Variants in ZSWIM6 observed in about 807,000 individuals in gnomAD.
ZSWIM6 encodes zinc finger SWIM-type containing 6.
ZSWIM6 carries 9 observed loss-of-function variants against 113.2 expected under a neutral mutation model. The observed-to-expected ratio is 0.08, with a 90% CI of 0.05 to 0.14. The LOEUF (loss-of-function observed/expected upper bound fraction) is 0.14, where lower values mean the gene tolerates loss of function less well. Ranked by LOEUF, ZSWIM6 falls within the 10% of genes least tolerant of loss-of-function variation. The probability of loss-of-function intolerance (pLI) is 1.00; values close to 1 mark genes in which losing one functional copy is unlikely to be tolerated. For missense variants in ZSWIM6, 1,162 were observed against 1,552.2 expected (o/e 0.75, Z 4.22); for synonymous variants, 611 against 606.5 (o/e 1.01, Z -0.11).
chr5:61,395,218 G>A (rs768299638), intron 1 of ZSWIM6, among the ~76,000 whole-genome samples: 4 of 152,086 alleles, frequency 2.6e-5, no homozygotes, highest in Non-Finnish European at 5.9e-5. Context: ...CAGTCAGATT[G>A]TGTAACTTCT....
intron 1 of ZSWIM6, among the ~76,000 whole-genome samples, chr5:61,357,185 G>C (rs1744933299): frequency 6.6e-6 from 1 of 152,120 alleles, no homozygotes. Context: ...GTAGTGGTCA[G>C]GGTCCACCCA....
At chr5:61,341,349 G>A (rs980101197) in intron 1 of ZSWIM6, among the ~76,000 whole-genome samples, 2 of 152,134 alleles carry the variant, frequency 1.3e-5, no homozygotes, top group Non-Finnish European at 2.9e-5. Context: ...GAATTACCTT[G>A]TTTTTATTAA....
Position 61,539,656 on chromosome 5 carries a change from C to T in ZSWIM6, c.2600C>T (p.Ser867Leu), listed in dbSNP as rs1749678210. 1 of 1,552,014 alleles carries T rather than the reference C, an allele frequency of 6.4e-7. No individual in the cohort carries two copies. Among genetic ancestry groups the T allele is most frequent in the Non-Finnish European group, 8.7e-7 (1 of 1,147,036 alleles). ...ESIQKNIHSSSHIFKLAQDAF... is the reference protein window; with the variant it reads ...ESIQKNIHSSLHIFKLAQDAF... The stretch of plus-strand genomic sequence containing the variant: ...ATCCAGAAAAACATTCACTCCTCAT[C>T]ACACATCTTCAAGCTTGCCCAAGAT... The change falls in exon 12 of 14, where the codon TCA becomes TTA. Residue 867 changes from serine (S) to leucine (L), a missense_variant. Physicochemically the swap from Ser to Leu is moderately radical, Grantham distance 145. This residue lies in a region of ZSWIM6 where 620 missense variants were observed against 804.6 expected (regional missense o/e 0.77). Transcript: ENST00000252744.
In ZSWIM6 at chr5:61,332,789, GCTGCC is replaced by G; in HGVS notation, c.518_522del (p.Ala173GlyfsTer79). On this transcript the variant is annotated frameshift_variant, in exon 1 of 14. Transcript: ENST00000252744. LOFTEE classifies it high-confidence loss of function. ...GGCCGCAACCTCGGCCGCCGCCGCCGCTGCCGCCGCCGCCGCCGCCGCCGCCGCCG... is the reference window on the plus strand; with the variant it reads ...GGCCGCAACCTCGGCCGCCGCCGCCGGCCGCCGCCGCCGCCGCCGCCGCCG... The G allele has an allele frequency of 1.2e-6, 1 of 831,892 alleles. No individual in the cohort carries two copies. Among genetic ancestry groups the G allele is most frequent in the African/African-American group, 1.9e-5 (1 of 51,370 alleles). 51.5% of individuals were successfully genotyped at this position (831,892 alleles called of 1,614,324 possible).
chr5:61,449,995 C>A (rs896579880), intron 1 of ZSWIM6, among the ~76,000 whole-genome samples: 5 of 152,156 alleles, frequency 3.3e-5, no homozygotes, highest in African/African-American at 1.2e-4. Flanking sequence ...TTTGGACTGA[C>A]CCTGCTGAAT....
At chr5:61,393,005 T>C (rs894604738) in intron 1 of ZSWIM6, among the ~76,000 whole-genome samples, 3 of 152,078 alleles carry the variant, frequency 2.0e-5, no homozygotes, top group Non-Finnish European at 4.4e-5. Context: ...CATATATATA[T>C]ATAAAATCTG....
intron 4 of ZSWIM6, among the ~76,000 whole-genome samples, chr5:61,503,390 G>GCTATGACTA (rs1748525503): frequency 6.6e-6 from 1 of 152,156 alleles, no homozygotes; most frequent in Admixed American, 6.5e-5. Context: ...GTGATTTTAA[G>GCTATGACTA]CTATGACTAG....
chr5:61,496,797 C>T (rs528192602), intron 4 of ZSWIM6, among the ~76,000 whole-genome samples: 2 of 152,234 alleles, frequency 1.3e-5, no homozygotes, highest in African/African-American at 4.8e-5. Context: ...CTAAAAGCCC[C>T]ATTTGCCTTT....
intron 4 of ZSWIM6, among the ~76,000 whole-genome samples, chr5:61,517,770 ATTAT>A (rs1459413551): frequency 6.7e-6 from 1 of 149,918 alleles, no homozygotes. Context: ...TTTTTTTTTA[ATTAT>A]TTAATTATTT....
At chr5:61,393,158 G>A (rs1467187041) in intron 1 of ZSWIM6, among the ~76,000 whole-genome samples, 1 of 151,666 alleles carries the variant, frequency 6.6e-6, no homozygotes, top group East Asian at 1.9e-4. Flanking sequence ...TCCTGCCTCA[G>A]CCCTCCCGAG....
intron 1 of ZSWIM6, among the ~76,000 whole-genome samples, chr5:61,409,624 T>C (rs956673686): frequency 2.6e-5 from 4 of 152,180 alleles, no homozygotes; most frequent in African/African-American, 9.6e-5. Context: ...TTAAAAACAT[T>C]TGTATTTCTT....
intron 4 of ZSWIM6, among the ~76,000 whole-genome samples, chr5:61,502,320 T>C (rs1748492532): frequency 6.6e-6 from 1 of 152,138 alleles, no homozygotes; most frequent in Non-Finnish European, 1.5e-5. Flanking sequence ...TCATAGTTAA[T>C]TTAAGCTTCG....
chr5:61,522,280 T>G (rs963423738), intron 5 of ZSWIM6, among the ~76,000 whole-genome samples: 2 of 152,162 alleles, frequency 1.3e-5, no homozygotes, highest in Non-Finnish European at 2.9e-5. Flanking sequence ...AATAGAAATT[T>G]TATTAACTAA....
chr5:61,384,007 C>G (rs374220170), intron 1 of ZSWIM6, among the ~76,000 whole-genome samples: 1 of 148,060 alleles, frequency 6.8e-6, no homozygotes, highest in Non-Finnish European at 1.5e-5. Context: ...TTTGGGAGGC[C>G]GAGGCAGGTG....
At chr5:61,454,764 A>G (rs556997854) in intron 1 of ZSWIM6, among the ~76,000 whole-genome samples, 2 of 151,750 alleles carry the variant, frequency 1.3e-5, no homozygotes, top group Non-Finnish European at 2.9e-5. Context: ...TTGTATTTTT[A>G]GTAGAGATAG....
intron 4 of ZSWIM6, among the ~76,000 whole-genome samples, chr5:61,496,191 A>G (rs1314465671): frequency 6.6e-6 from 1 of 152,112 alleles, no homozygotes; most frequent in East Asian, 1.9e-4. Context: ...ACCAGGCTTT[A>G]TACAAATTCT....
At chr5:61,372,057 C>T (rs1291270093) in intron 1 of ZSWIM6, among the ~76,000 whole-genome samples, 1 of 151,060 alleles carries the variant, frequency 6.6e-6, no homozygotes, top group Non-Finnish European at 1.5e-5. Context: ...TGAATAAATT[C>T]CATTTACTGA....
In ZSWIM6 at chr5:61,540,878, G is replaced by A. The variant is rs1280339915; in HGVS notation, c.2704-1006G>A. ...CTAGAACCTAAAAAGGAATCCCACA[G>A]GGCCTCTGGGGATATGATGTCCCTG... is the stretch of plus-strand genomic sequence containing the variant. On this transcript the variant is annotated intron_variant, in intron 12 of 13. Coordinates refer to ENST00000252744, the MANE Select transcript of ZSWIM6 (RefSeq NM_020928.2). Among the ~76,000 whole-genome samples, 3 of 150,410 alleles carry A rather than the reference G, an allele frequency of 2.0e-5. No individual in the cohort carries two copies. The East Asian group carries it at 5.9e-4, about 29-fold the overall frequency.
intron 1 of ZSWIM6, among the ~76,000 whole-genome samples, chr5:61,377,634 T>C (rs1745398839): frequency 6.6e-6 from 1 of 151,886 alleles, no homozygotes; most frequent in Admixed American, 6.6e-5. Context: ...GGAGAATCTC[T>C]TGAACCTGTG....
Sources: allele counts gnomAD v4.1 joint callset (sites outside exome capture counted in the v4.1 genomes callset), GRCh38; gene constraint gnomAD v4.1.1; regional missense constraint gnomAD v4.1.1; transcripts MANE v1.5; gene names NCBI Gene and HGNC (gene_info 2026-07-23, HGNC 2026-07-21).